Variants in PUS7L observed in about 807,000 individuals in gnomAD.
PUS7L encodes pseudouridylate synthase PUS7L.
In PUS7L, 49 loss-of-function variants were observed where a neutral mutation model predicts 51.1. The observed-to-expected ratio is 0.96, with a 90% CI of 0.76 to 1.22. PUS7L has a LOEUF of 1.22. PUS7L is among the 50% of genes most tolerant of loss of function. The pLI is 0.00. For missense variants in PUS7L, 828 were observed against 820.6 expected, an observed-to-expected ratio of 1.01 and a Z score of -0.11; for synonymous variants, 277 against 276.2, an observed-to-expected ratio of 1.00 and a Z score of -0.03.
chr12:43,740,433 TA>T (rs1428355164), intron 5 of PUS7L, among the ~76,000 whole-genome samples: 1 of 152,120 alleles, frequency 6.6e-6, no homozygotes, highest in Non-Finnish European at 1.5e-5. Flanking sequence ...CTGACAAAAT[TA>T]AATAAGCAAT....
Position 43,722,217 on chromosome 12 carries a change from G to A in PUS7L, c.*8159C>T, listed in dbSNP as rs1346158514. On this transcript the variant is annotated 3_prime_UTR_variant, in exon 9 of 9. Transcript: ENST00000344862. ...TTGAAGATTTGGGGCCATACTTGCA[G>A]GTGTAAATGTGTTATGTTGAGGGGT... 1 of 152,144 alleles carries A rather than the reference G, an allele frequency of 6.6e-6. No homozygotes were observed. Among genetic ancestry groups the A allele is most frequent in the African/African-American group, 2.4e-5 (1 of 41,426 alleles). The allele number at this position is 152,144 out of a possible 1,614,324, so 9.4% of individuals were successfully genotyped here.
chr12:43,755,309 T>A (rs555292539), intron 1 of PUS7L, 48 bp from the exon 2 acceptor site: 9 of 1,168,970 alleles, frequency 7.7e-6, no homozygotes, highest in Middle Eastern at 2.0e-4. Context: ...AGAGAAGTTA[T>A]GGATGACCAA....
At position 43,736,515 on chromosome 12, in the gene PUS7L, C is replaced by T; in HGVS notation, c.1591G>A (p.Val531Ile). 1 of 1,614,180 alleles carries T rather than the reference C, an allele frequency of 6.2e-7. No homozygotes were observed. Among genetic ancestry groups the T allele is most frequent in the Non-Finnish European group, 8.5e-7 (1 of 1,180,024 alleles). Reference protein sequence around the residue: ...SLPHSMRIFYVHAYTSKIWNE... With the variant: ...SLPHSMRIFYIHAYTSKIWNE... ...CAAATTTTGCTGGTATATGCGTGAA[C>T]ATAGAATATGCGCATGGAATGGGGT... The change falls in exon 7 of 9, where the codon GTT (valine) becomes ATT (isoleucine). Residue 531 changes from valine (V) to isoleucine (I), a missense_variant. Transcript: ENST00000344862.
Position 43,726,558 on chromosome 12 carries a change from T to C in PUS7L, c.*3818A>G, listed in dbSNP as rs140455967. ...ATTGACAAGTGAAGGCTGGGCATGG[T>C]GGCTCATGCCTGTAATCCTAGCACT... On this transcript the variant is annotated 3_prime_UTR_variant, in exon 9 of 9. Coordinates refer to ENST00000344862, the MANE Select transcript of PUS7L (RefSeq NM_031292.5). 8.4e-3 allele frequency: 1,280 copies of C among 152,376 alleles called. 16 individuals are homozygous for C. The highest frequency in any genetic ancestry group is 0.062 in the East Asian group (323 of 5,186). 9.4% of individuals were successfully genotyped at this position (152,376 alleles called of 1,614,324 possible).
At position 43,755,262 on chromosome 12, in the gene PUS7L, C is replaced by G; in HGVS notation, c.-16-1G>C. ...TTCTTCCATTCTTCTATAACAGTGC[C>G]TAGAAAACAAAACAAAGAGGTGGTT... On this transcript the variant is annotated splice_acceptor_variant, in intron 1 of 8. Coordinates refer to ENST00000344862, the MANE Select transcript of PUS7L (RefSeq NM_031292.5). LOFTEE classifies it low-confidence loss of function (5UTR_SPLICE). 1 of 1,527,246 alleles carries G rather than the reference C, an allele frequency of 6.5e-7. No individual in the cohort carries two copies. The highest frequency in any genetic ancestry group is 1.4e-5 in the African/African-American group (1 of 71,966). The allele number at this position is 1,527,246 out of a possible 1,614,324, so 94.6% of individuals were successfully genotyped here.
In PUS7L at chr12:43,726,622, G is replaced by C. The variant is rs952394309; in HGVS notation, c.*3754C>G. The stretch of plus-strand genomic sequence containing the variant: ...GTGGGTAGATCACTTGAGGTCAAGA[G>C]TTTGAGACCAGCCTGGCCAACATGG... On this transcript the variant is annotated 3_prime_UTR_variant, in exon 9 of 9. Coordinates refer to ENST00000344862, the MANE Select transcript of PUS7L (RefSeq NM_031292.5). 1.8e-4 allele frequency: 27 copies of C among 152,188 alleles called. 1 individual carries two copies. The highest frequency in any genetic ancestry group is 6.3e-4 in the African/African-American group (26 of 41,396). The allele number at this position is 152,188 out of a possible 1,614,324, so 9.4% of individuals were successfully genotyped here.
At chr12:43,735,214 G>A (rs1292465305) in intron 7 of PUS7L, among the ~76,000 whole-genome samples, 2 of 152,172 alleles carry the variant, frequency 1.3e-5, no homozygotes, top group East Asian at 1.9e-4. Flanking sequence ...CTACTTGGGA[G>A]GCTGAGGCAG....
rs1447052731 is a variant in PUS7L, at chr12:43,727,362, T to A, written c.*3014A>T. ...ATATACCCAAAGGAATATAAATTGT[T>A]CTACCATAAAGACCATGCACGCCTA... On this transcript the variant is annotated 3_prime_UTR_variant, in exon 9 of 9. Coordinates refer to ENST00000344862, the MANE Select transcript of PUS7L (RefSeq NM_031292.5). 6.6e-6 allele frequency: 1 copy of A among 152,210 alleles called. No individual in the cohort carries two copies. The highest frequency in any genetic ancestry group is 1.5e-5 in the Non-Finnish European group (1 of 68,028). 9.4% of individuals were successfully genotyped at this position (152,210 alleles called of 1,614,324 possible).
At chr12:43,748,126 C>T (rs1441746456) in intron 3 of PUS7L, among the ~76,000 whole-genome samples, 1 of 152,114 alleles carries the variant, frequency 6.6e-6, no homozygotes, top group Non-Finnish European at 1.5e-5. Context: ...TTACCGGTAA[C>T]TTCATTTTTA....
intron 1 of PUS7L, among the ~76,000 whole-genome samples, chr12:43,757,180 T>C (rs1475719211): frequency 1.4e-5 from 2 of 144,534 alleles, no homozygotes. Context: ...AGTGATTCTC[T>C]TTTTTTTTGA....
intron 7 of PUS7L, among the ~76,000 whole-genome samples, chr12:43,733,490 GTT>G (rs1005961141): frequency 2.6e-5 from 4 of 152,112 alleles, no homozygotes; most frequent in Non-Finnish European, 5.9e-5. Flanking sequence ...AGGAGAAAAT[GTT>G]TTCTCTTCTC....
intron 3 of PUS7L, among the ~76,000 whole-genome samples, chr12:43,746,884 AT>A (rs1388199002): frequency 6.6e-6 from 1 of 152,200 alleles, no homozygotes; most frequent in Non-Finnish European, 1.5e-5. Context: ...TGTAATTAAA[AT>A]TCCAGACTCA....
At chr12:43,757,219 G>T (rs4251566) in intron 1 of PUS7L, among the ~76,000 whole-genome samples, 1 of 152,146 alleles carries the variant, frequency 6.6e-6, no homozygotes, top group African/African-American at 2.4e-5. Context: ...CGTCCAGGCT[G>T]GAGTGCAGTG....
intron 1 of PUS7L, among the ~76,000 whole-genome samples, chr12:43,755,995 C>A (rs907504639): frequency 6.6e-6 from 1 of 152,140 alleles, no homozygotes; most frequent in Non-Finnish European, 1.5e-5. Context: ...GCTACCATAC[C>A]ATATGGAGCT....
intron 2 of PUS7L, among the ~76,000 whole-genome samples, chr12:43,749,656 C>T (rs1316296832): frequency 6.6e-6 from 1 of 151,904 alleles, no homozygotes; most frequent in African/African-American, 2.4e-5. Flanking sequence ...GGTGAAAGAG[C>T]GAGACCCTGT....
intron 7 of PUS7L, 31 bp downstream of exon 7, chr12:43,736,350 T>G: frequency 6.3e-7 from 1 of 1,595,680 alleles, no homozygotes; most frequent in Non-Finnish European, 8.6e-7. Flanking sequence ...TAGTAACTAC[T>G]CTTGGAAAAC....
Position 43,758,778 on chromosome 12 carries a change from G to A in PUS7L, c.-65C>T. On this transcript the variant is annotated 5_prime_UTR_variant, in exon 1 of 9. Coordinates refer to ENST00000344862, the MANE Select transcript of PUS7L (RefSeq NM_031292.5). ...TTTGCACAACGCTGTGCGCATGCCC[G>A]GAAGCCTTAAGTGTTTCAGCCTCCG... 1 of 966,344 alleles carries A rather than the reference G, an allele frequency of 1.0e-6. No individual in the cohort carries two copies. The highest frequency in any genetic ancestry group is 1.2e-4 in the East Asian group (1 of 8,594). The allele number at this position is 966,344 out of a possible 1,614,324, so 59.9% of individuals were successfully genotyped here.
In PUS7L at chr12:43,738,326, C is replaced by T. The variant is rs2137688206; in HGVS notation, c.1428G>A (p.Lys476=). 6.4e-7 allele frequency: 1 copy of T among 1,569,838 alleles called. No individual in the cohort carries two copies. The highest frequency in any genetic ancestry group is 1.1e-5 in the South Asian group (1 of 90,096). The change falls in exon 6 of 9, where the codon AAG becomes AAA. Residue 476 remains lysine (K), a synonymous_variant. Coordinates refer to ENST00000344862, the MANE Select transcript of PUS7L (RefSeq NM_031292.5). ...CGTAAATACCAGTTTGAAGAAAATA[C>T]TTCTTTGCTCTATTTACAGGATCAT... The part of the protein sequence containing the change: ...DLDDPVNRAK[K]YFLQTEDAKG...
At chr12:43,732,408 C>T (rs1446260931) in intron 7 of PUS7L, among the ~76,000 whole-genome samples, 1 of 151,638 alleles carries the variant, frequency 6.6e-6, no homozygotes, top group Non-Finnish European at 1.5e-5. Context: ...GATGGTGCCA[C>T]TGCACTCCAG....
Sources: allele counts gnomAD v4.1 joint callset (sites outside exome capture counted in the v4.1 genomes callset), GRCh38; gene constraint gnomAD v4.1.1; transcripts MANE v1.5; gene names NCBI Gene and HGNC (gene_info 2026-07-23, HGNC 2026-07-21).